The following SNTG2 variants were observed in gnomAD, a reference collection of about 807,000 sequenced individuals.
The protein encoded by SNTG2 is syntrophin gamma 2, also known as gamma-2-syntrophin.
Under a neutral mutation model 70.9 loss-of-function variants are expected in SNTG2, and 74 were observed. The ratio of observed to expected loss-of-function variants is 1.04; its 90% CI spans 0.86 to 1.27. The LOEUF is 1.27. Among genes scored for constraint, SNTG2 ranks in the 50% most tolerant of loss-of-function variants. The probability of loss-of-function intolerance (pLI) is 0.00; values close to 1 mark genes in which losing one functional copy is unlikely to be tolerated. For missense variants in SNTG2, 717 were observed against 690.7 expected, an observed-to-expected ratio of 1.04 and a Z score of -0.43; for synonymous variants, 278 against 273.8, an observed-to-expected ratio of 1.02 and a Z score of -0.15.
chr2:1,295,115 C>G lies in SNTG2; in HGVS notation c.1285-13379C>G, dbSNP rs903637596. Among the ~76,000 whole-genome samples, 4 of 152,320 alleles carry G rather than the reference C, an allele frequency of 2.6e-5. No homozygotes were observed. The East Asian group carries it at 5.8e-4, about 22-fold the overall frequency. On this transcript the variant is annotated intron_variant, in intron 14 of 16. Coordinates refer to ENST00000308624, the MANE Select transcript of SNTG2 (RefSeq NM_018968.4). ...GACTGAGTGGGCAGTGTCAGAGTCT[C>G]TCTCTCATGCTAGGGTGGTGCCGCA...
chr2:1,342,352 C>T (rs1477575313), intron 16 of SNTG2, among the ~76,000 whole-genome samples: 1 of 96,456 alleles, frequency 1.0e-5, no homozygotes, highest in East Asian at 4.1e-4. Flanking sequence ...GAAGAGTGGA[C>T]TGGCACTTTT....
At chr2:1,293,243 T>C (rs1298738916) in intron 14 of SNTG2, among the ~76,000 whole-genome samples, 1 of 151,888 alleles carries the variant, frequency 6.6e-6, no homozygotes, top group Non-Finnish European at 1.5e-5. Flanking sequence ...ATCTTCTCTA[T>C]GTTTTATTTG....
At chr2:956,177 GC>G (rs1184717668) in intron 1 of SNTG2, among the ~76,000 whole-genome samples, 1 of 35,274 alleles carries the variant, frequency 2.8e-5, no homozygotes, top group African/African-American at 1.0e-4. Flanking sequence ...ACCTACCCCT[GC>G]CCTGCACCTA....
intron 11 of SNTG2, among the ~76,000 whole-genome samples, chr2:1,241,216 T>C (rs1677024267): frequency 6.6e-6 from 1 of 152,246 alleles, no homozygotes; most frequent in African/African-American, 2.4e-5. Flanking sequence ...TGTTGGCTGC[T>C]TCTTCCCTGT....
At chr2:999,552 G>A (rs867562627) in intron 1 of SNTG2, among the ~76,000 whole-genome samples, 3 of 151,904 alleles carry the variant, frequency 2.0e-5, no homozygotes, top group South Asian at 4.1e-4. Flanking sequence ...AAGGAAGTTC[G>A]TTATATAATG....
At chr2:1,249,002 T>A (rs1447892478) in intron 12 of SNTG2, among the ~76,000 whole-genome samples, 7 of 152,182 alleles carry the variant, frequency 4.6e-5, no homozygotes, top group African/African-American at 1.4e-4. Context: ...ATGCTCCGAG[T>A]GCTGGTAGCA....
chr2:1,227,043 G>A (rs902433519), intron 9 of SNTG2, among the ~76,000 whole-genome samples: 2 of 152,210 alleles, frequency 1.3e-5, no homozygotes, highest in African/African-American at 4.8e-5. Context: ...TAAGGGAGAG[G>A]TGCGATGTAT....
At chr2:1,139,655 T>C (rs1460117893) in intron 6 of SNTG2, among the ~76,000 whole-genome samples, 3 of 150,056 alleles carry the variant, frequency 2.0e-5, no homozygotes, top group African/African-American at 7.6e-5. Context: ...GCAGGACCTG[T>C]CTCTACAAAA....
At position 1,249,165 on chromosome 2, in the gene SNTG2, T is replaced by C. The variant is rs978236226; in HGVS notation, c.1005+1722T>C. ...TCTTGAGACAACTGAAGGCCCCTCA[T>C]TTTAGTGATGAGTGGCAAGAGCACA... On this transcript the variant is annotated intron_variant, in intron 12 of 16. Transcript: ENST00000308624. 7.9e-5 allele frequency among the ~76,000 whole-genome samples: 12 copies of C among 152,222 alleles called. No individual in the cohort carries two copies. The South Asian group carries it at 2.5e-3, about 31-fold the overall frequency.
Position 1,040,221 on chromosome 2 carries a change from C to T in SNTG2, c.73-43297C>T, listed in dbSNP as rs984407207. Among the ~76,000 whole-genome samples, 5 of 152,308 alleles carry T rather than the reference C, an allele frequency of 3.3e-5. No individual in the cohort carries two copies. In the East Asian group the frequency reaches 7.7e-4, roughly 24 times the overall value. On this transcript the variant is annotated intron_variant, in intron 1 of 16. Transcript: ENST00000308624. ...CACCTGCAGGCAGGATAAATTCCTG[C>T]ACCCCACGCCAGTGACACCAGAGTC...
At chr2:1,132,666 C>T (rs544930307) in intron 4 of SNTG2, among the ~76,000 whole-genome samples, 24 of 152,248 alleles carry the variant, frequency 1.6e-4, no homozygotes, top group African/African-American at 4.6e-4. Flanking sequence ...GCTGCAGGTC[C>T]GCCGCTGTTA....
chr2:1,254,147 GA>G (rs1449293869), intron 12 of SNTG2, among the ~76,000 whole-genome samples: 1 of 152,198 alleles, frequency 6.6e-6, no homozygotes, highest in Non-Finnish European at 1.5e-5. Flanking sequence ...AGGGAAATGG[GA>G]TAGAAGAATG....
chr2:1,234,172 G>C (rs1676455052), intron 9 of SNTG2, among the ~76,000 whole-genome samples: 1 of 152,128 alleles, frequency 6.6e-6, no homozygotes, highest in Non-Finnish European at 1.5e-5. Flanking sequence ...GGAAACAAAG[G>C]CCCAGAAATG....
At chr2:1,166,067 C>T (rs1220259930) in intron 7 of SNTG2, among the ~76,000 whole-genome samples, 1 of 152,148 alleles carries the variant, frequency 6.6e-6, no homozygotes, top group African/African-American at 2.4e-5. Context: ...AGCTTGTAAT[C>T]CTCTATTATA....
chr2:985,039 T>C (rs947951321), intron 1 of SNTG2, among the ~76,000 whole-genome samples: 1 of 152,134 alleles, frequency 6.6e-6, no homozygotes, highest in Non-Finnish European at 1.5e-5. Flanking sequence ...TCCATTTTTT[T>C]CCCCAAAAAC....
At chr2:1,322,053 T>C in intron 16 of SNTG2, among the ~76,000 whole-genome samples, 1 of 152,184 alleles carries the variant, frequency 6.6e-6, no homozygotes, top group East Asian at 1.9e-4. Flanking sequence ...GTTGACTACT[T>C]TTAGGATGTT....
chr2:1,334,058 A>G (rs1354653814), intron 16 of SNTG2, among the ~76,000 whole-genome samples: 2 of 152,238 alleles, frequency 1.3e-5, no homozygotes, highest in African/African-American at 4.8e-5. Flanking sequence ...TAAAGGACTA[A>G]TATCCAGACT....
chr2:980,133 A>C (rs920424536), intron 1 of SNTG2, among the ~76,000 whole-genome samples: 4 of 152,162 alleles, frequency 2.6e-5, no homozygotes, highest in Non-Finnish European at 5.9e-5. Flanking sequence ...CCAAATTACC[A>C]TCCTCCTTAT....
At chr2:1,033,591 C>T (rs775198795) in intron 1 of SNTG2, among the ~76,000 whole-genome samples, 8 of 141,940 alleles carry the variant, frequency 5.6e-5, no homozygotes, top group African/African-American at 1.8e-4. Context: ...AGTAAAATCT[C>T]CTCTGATCAC....
Sources: allele counts gnomAD v4.1 joint callset (sites outside exome capture counted in the v4.1 genomes callset), GRCh38; gene constraint gnomAD v4.1.1; transcripts MANE v1.5; gene names NCBI Gene and HGNC (gene_info 2026-07-23, HGNC 2026-07-21).